The following AGBL4 variants were observed in gnomAD, a reference collection of about 807,000 sequenced individuals.
The protein encoded by AGBL4 is AGBL carboxypeptidase 4, also known as cytosolic carboxypeptidase 6.
AGBL4 carries 58 observed loss-of-function variants against 66.4 expected under a neutral mutation model. The ratio of observed to expected loss-of-function variants is 0.87; its 90% CI spans 0.71 to 1.09. The LOEUF is 1.09. Among genes scored for constraint, AGBL4 ranks in the 50% least tolerant of loss-of-function variants. The probability of loss-of-function intolerance (pLI) is 0.00; values close to 1 mark genes in which losing one functional copy is unlikely to be tolerated. For missense variants in AGBL4, 579 were observed against 631.0 expected (o/e 0.92, Z 0.88); for synonymous variants, 234 against 222.9 (o/e 1.05, Z -0.44).
chr1:48,599,930 C>T (rs530845150), intron 9 of AGBL4, among the ~76,000 whole-genome samples: 3 of 152,054 alleles, frequency 2.0e-5, no homozygotes, highest in Admixed American at 6.5e-5. Context: ...AAGCGTGGAC[C>T]GAGAGGAGGT....
At chr1:49,451,964 T>C (rs1275090254) in intron 3 of AGBL4, among the ~76,000 whole-genome samples, 2 of 151,936 alleles carry the variant, frequency 1.3e-5, no homozygotes, top group African/African-American at 4.8e-5. Flanking sequence ...ACATATACAA[T>C]ATTAGACAGA....
chr1:49,075,135 T>C (rs908054354), intron 4 of AGBL4, among the ~76,000 whole-genome samples: 14 of 152,212 alleles, frequency 9.2e-5, no homozygotes, highest in African/African-American at 3.4e-4. Context: ...TTTTGAACAT[T>C]TGTGTATACG....
chr1:49,592,834 T>C (rs1399211104), intron 3 of AGBL4, among the ~76,000 whole-genome samples: 1 of 152,266 alleles, frequency 6.6e-6, no homozygotes, highest in Non-Finnish European at 1.5e-5. Flanking sequence ...TTTGAAGATT[T>C]CTCAAGTAAC....
At chr1:49,576,937 A>G (rs748755402) in intron 3 of AGBL4, among the ~76,000 whole-genome samples, 1 of 152,204 alleles carries the variant, frequency 6.6e-6, no homozygotes, top group South Asian at 2.1e-4. Flanking sequence ...TGGTGAAGGG[A>G]AATCTTCCCA....
At chr1:48,627,762 C>T (rs951672318) in intron 9 of AGBL4, among the ~76,000 whole-genome samples, 6 of 151,972 alleles carry the variant, frequency 3.9e-5, no homozygotes, top group South Asian at 2.1e-4. Flanking sequence ...CTCTAGTAAA[C>T]GGGGGGAAAT....
chr1:49,608,785 T>C (rs1378338329), intron 3 of AGBL4, among the ~76,000 whole-genome samples: 2 of 152,150 alleles, frequency 1.3e-5, no homozygotes, highest in Non-Finnish European at 2.9e-5. Context: ...GTGGCTCTTC[T>C]AACGATAATA....
chr1:48,976,875 T>A (rs1021078515), intron 5 of AGBL4, among the ~76,000 whole-genome samples: 5 of 152,170 alleles, frequency 3.3e-5, no homozygotes, highest in Non-Finnish European at 4.4e-5. Flanking sequence ...CCAGATTTTA[T>A]ATCACCCTCA....
At chr1:48,608,715 C>T (rs1202724407) in intron 9 of AGBL4, among the ~76,000 whole-genome samples, 1 of 152,138 alleles carries the variant, frequency 6.6e-6, no homozygotes, top group Non-Finnish European at 1.5e-5. Flanking sequence ...ACTTCTGCTA[C>T]ACTCTGATCC....
At position 49,199,226 on chromosome 1, in the gene AGBL4, G is replaced by A. The variant is rs370043257; in HGVS notation, c.377+46544C>T. On this transcript the variant is annotated intron_variant, in intron 4 of 13. Transcript: ENST00000371839. ...TACACAACTTACAAGAGCTAAAAAT[G>A]ACAGAATACAGAGTTGAACCTATAG... Among the ~76,000 whole-genome samples, 283 of 152,264 alleles carry A rather than the reference G, an allele frequency of 1.9e-3. 2 individuals carry two copies. Among genetic ancestry groups the A allele is most frequent in the African/African-American group, 6.4e-3 (268 of 41,572 alleles).
At chr1:49,212,896 G>A (rs1648780784) in intron 4 of AGBL4, among the ~76,000 whole-genome samples, 1 of 152,090 alleles carries the variant, frequency 6.6e-6, no homozygotes, top group Non-Finnish European at 1.5e-5. Flanking sequence ...CTTTACGCAT[G>A]TTAAATAATA....
intron 8 of AGBL4, among the ~76,000 whole-genome samples, chr1:48,643,395 G>T (rs1043850718): frequency 6.6e-6 from 1 of 152,050 alleles, no homozygotes; most frequent in Non-Finnish European, 1.5e-5. Context: ...GTAGGATGCA[G>T]CCTAGACCAC....
intron 6 of AGBL4, among the ~76,000 whole-genome samples, chr1:48,680,075 C>T (rs1274432603): frequency 6.6e-6 from 1 of 152,236 alleles, no homozygotes; most frequent in Non-Finnish European, 1.5e-5. Context: ...AGAGAAAACA[C>T]TGTCAGCCAG....
intron 3 of AGBL4, among the ~76,000 whole-genome samples, chr1:49,503,628 T>A (rs762160602): frequency 2.0e-5 from 3 of 152,190 alleles, no homozygotes; most frequent in Non-Finnish European, 2.9e-5. Flanking sequence ...ACCTCTTGAA[T>A]CAGGTGACCT....
intron 3 of AGBL4, among the ~76,000 whole-genome samples, chr1:49,443,191 A>G (rs1646074421): frequency 6.6e-6 from 1 of 151,980 alleles, no homozygotes; most frequent in Admixed American, 6.6e-5. Context: ...TTATCAGATC[A>G]TTTGCAAATA....
At chr1:48,633,340 C>G (rs1645620740) in intron 9 of AGBL4, among the ~76,000 whole-genome samples, 1 of 152,180 alleles carries the variant, frequency 6.6e-6, no homozygotes, top group Admixed American at 6.5e-5. Flanking sequence ...CACTGGCATC[C>G]TCAATGAGGG....
intron 4 of AGBL4, among the ~76,000 whole-genome samples, chr1:49,055,844 C>T (rs1008479972): frequency 5.9e-5 from 9 of 152,030 alleles, no homozygotes; most frequent in South Asian, 2.1e-4. Context: ...ACTCTACTAA[C>T]GTAATAAAAT....
intron 3 of AGBL4, among the ~76,000 whole-genome samples, chr1:49,560,537 T>C (rs985370931): frequency 6.6e-5 from 10 of 152,076 alleles, no homozygotes; most frequent in Admixed American, 2.0e-4. Context: ...GAGAAAGAGA[T>C]ATGGGTAGAA....
At chr1:48,756,017 G>T (rs1487371124) in intron 6 of AGBL4, among the ~76,000 whole-genome samples, 2 of 152,184 alleles carry the variant, frequency 1.3e-5, no homozygotes, top group Non-Finnish European at 2.9e-5. Flanking sequence ...AAAAGCCAAA[G>T]TTAACCCTGT....
intron 6 of AGBL4, among the ~76,000 whole-genome samples, chr1:48,782,975 A>G (rs1645332195): frequency 6.6e-6 from 1 of 152,178 alleles, no homozygotes; most frequent in South Asian, 2.1e-4. Flanking sequence ...TACTGTCTCC[A>G]TAGTTTTGCC....
Sources: gnomAD v4.1 joint callset for allele counts (sites outside exome capture counted in the v4.1 genomes callset) on GRCh38, gnomAD v4.1.1 for gene constraint, MANE v1.5 for transcripts, NCBI Gene and HGNC (gene_info 2026-07-23, HGNC 2026-07-21) for gene names.